MEIS3: variants seen among roughly 807,000 people sequenced by gnomAD.
MEIS3 encodes homeobox protein Meis3.
A neutral mutation model predicts 51.4 loss-of-function variants in MEIS3; 38 were observed. That is an observed-to-expected ratio of 0.74 (90% CI 0.57 to 0.97). The LOEUF (loss-of-function observed/expected upper bound fraction) is 0.97. MEIS3 is among the 50% of genes least tolerant of loss of function. The pLI is 0.00. For missense variants in MEIS3, 456 were observed against 502.6 expected (o/e 0.91, Z 0.89); for synonymous variants, 198 against 201.8 (o/e 0.98, Z 0.16).
intron 12 of MEIS3, chr19:47,406,181 T>C (rs540355762): frequency 9.1e-6 from 3 of 330,686 alleles, no homozygotes; most frequent in Non-Finnish European, 1.7e-5. Flanking sequence ...TTTGGATGGA[T>C]GGATTGCGGG....
chr19:47,413,412 A>AT (rs1352791620), intron 6 of MEIS3, among the ~76,000 whole-genome samples: 1 of 151,410 alleles, frequency 6.6e-6, no homozygotes, highest in Admixed American at 6.6e-5. Flanking sequence ...AAAAAAAAAA[A>AT]TGTCTCCGGG....
upstream of MEIS3, among the ~76,000 whole-genome samples, chr19:47,419,955 C>G (rs1599834738): frequency 6.6e-6 from 1 of 152,118 alleles, no homozygotes; most frequent in African/African-American, 2.4e-5. Flanking sequence ...CTCGATTCCC[C>G]CTCTGCAGGA....
intron 4 of MEIS3, 181 bp downstream of exon 4, chr19:47,416,471 C>G: frequency 1.8e-6 from 1 of 562,738 alleles, no homozygotes; most frequent in Non-Finnish European, 3.1e-6. Context: ...TGAACTCGGG[C>G]CATGGGTCCC....
rs776597328 is a variant in MEIS3, at chr19:47,415,091, G to T, written c.407C>A (p.Ala136Asp). The change falls in exon 5 of 13, where the codon GCC (alanine) becomes GAC (aspartate). Residue 136 changes from alanine (A) to aspartate (D), a missense_variant. Physicochemically the swap from Ala to Asp is moderately radical, Grantham distance 126. Transcript: ENST00000558555. ...CAGGTGGAACCGCAGCACCTGGATG[G>T]CCTGGATCATCTGAAAACGTGGGCG... Reference protein sequence around the residue: ...NPELDNLMIQAIQVLRFHLLE... With the variant: ...NPELDNLMIQDIQVLRFHLLE... The T allele has an allele frequency of 2.0e-6, 3 of 1,492,852 alleles. No individual in the cohort carries two copies. Among genetic ancestry groups the T allele is most frequent in the African/African-American group, 2.9e-5 (2 of 68,668 alleles). 92.5% of individuals were successfully genotyped at this position (1,492,852 alleles called of 1,614,324 possible).
At chr19:47,420,336 G>A (rs1197067930), upstream of MEIS3, among the ~76,000 whole-genome samples, 9 of 152,152 alleles carry the variant, frequency 5.9e-5, no homozygotes, top group South Asian at 2.1e-4. Context: ...TTTTTTGGGG[G>A]GTGGTGCATG....
chr19:47,421,688 G>A (rs372900551), upstream of MEIS3, among the ~76,000 whole-genome samples: 529 of 151,334 alleles, frequency 3.5e-3, 1 homozygote, highest in African/African-American at 0.012. Flanking sequence ...CTCCATCTCC[G>A]CCTGGGCTAT....
chr19:47,408,879 C>T (rs968407129), intron 8 of MEIS3, among the ~76,000 whole-genome samples: 11 of 152,016 alleles, frequency 7.2e-5, no homozygotes, highest in Non-Finnish European at 1.2e-4. Context: ...GGACAGTTTT[C>T]GGGGAGGACT....
intron 1 of MEIS3, chr19:47,417,915 C>A: frequency 2.1e-6 from 1 of 487,294 alleles, no homozygotes; most frequent in East Asian, 4.6e-5. Flanking sequence ...ACACCCAAAT[C>A]CCCCCCCCCA....
At chr19:47,413,680 C>A (rs1319087018) in intron 6 of MEIS3, among the ~76,000 whole-genome samples, 5 of 151,284 alleles carry the variant, frequency 3.3e-5, no homozygotes, top group African/African-American at 1.2e-4. Flanking sequence ...TGTAGTGAGG[C>A]TGCGTCTGAG....
Position 47,407,127 on chromosome 19 carries a change from C to T in MEIS3, c.946G>A (p.Ala316Thr). The change falls in exon 10 of 13, where the codon GCC (alanine) becomes ACC (threonine). Residue 316 changes from alanine (A) to threonine (T), a missense_variant. Coordinates refer to ENST00000558555, the MANE Select transcript of MEIS3 (RefSeq NM_001301059.2). ...ATAGGTTGCACGATGCGTCTCCGGG[C>T]GTTAATGAACCTGGGAGGCGGTCAT... The part of the protein sequence containing the change: ...ILQVNNWFIN[A>T]RRRIVQPMID... 1 of 1,609,434 alleles carries T rather than the reference C, an allele frequency of 6.2e-7. No homozygotes were observed. The highest frequency in any genetic ancestry group is 8.5e-7 in the Non-Finnish European group (1 of 1,178,396).
rs1187450653 is a variant in MEIS3, at chr19:47,403,131, T to G, written c.*440A>C. ...AGAACTCCAGTTGGTGGCTCCGTGT[T>G]TTTAAGACTTTATCATTAAAAAAAA... On this transcript the variant is annotated 3_prime_UTR_variant, in exon 13 of 13. Coordinates refer to ENST00000558555, the MANE Select transcript of MEIS3 (RefSeq NM_001301059.2). 2 of 242,646 alleles carry G rather than the reference T, an allele frequency of 8.2e-6. No homozygotes were observed. Among genetic ancestry groups the G allele is most frequent in the African/African-American group, 4.8e-5 (2 of 42,076 alleles). 15.0% of individuals were successfully genotyped at this position (242,646 alleles called of 1,614,324 possible).
chr19:47,420,949 CT>C (rs1279493352), upstream of MEIS3, among the ~76,000 whole-genome samples: 101 of 122,468 alleles, frequency 8.2e-4, no homozygotes, highest in Non-Finnish European at 1.4e-3. Flanking sequence ...CACTCTCTCT[CT>C]CTCTCTCTCT....
At chr19:47,410,097 G>C (rs1015171072) in intron 6 of MEIS3, among the ~76,000 whole-genome samples, 2 of 151,174 alleles carry the variant, frequency 1.3e-5, no homozygotes, top group Admixed American at 6.6e-5. Flanking sequence ...ACCTGAGGTC[G>C]GGCATTTGAG....
At position 47,409,503 on chromosome 19, in the gene MEIS3, A is replaced by G. The variant is rs766971268; in HGVS notation, c.642T>C (p.His214=). 3.7e-6 allele frequency: 6 copies of G among 1,614,098 alleles called. No homozygotes were observed. Among genetic ancestry groups the G allele is most frequent in the Non-Finnish European group, 5.1e-6 (6 of 1,179,958 alleles). Residue 214 remains histidine (H), a synonymous_variant, in exon 7 of 13, where the codon CAT becomes CAC. Coordinates refer to ENST00000558555, the MANE Select transcript of MEIS3 (RefSeq NM_001301059.2). ...CACTGGATGGACCTGGGGTCCCCAA[A>G]TGTACAGACCCACTATCCTCATGGT... The part of the protein sequence containing the change: ...IRDHEDSGSV[H]LGTPGPSSGG...
chr19:47,416,532 G>T, intron 4 of MEIS3, 120 bp downstream of exon 4: 4 of 802,500 alleles, frequency 5.0e-6, no homozygotes, highest in East Asian at 2.8e-5. Flanking sequence ...CAATCATGAC[G>T]GTTTGGGGAC....
chr19:47,418,878 G>A, intron 1 of MEIS3, 192 bp downstream of exon 1: 1 of 400,416 alleles, frequency 2.5e-6, no homozygotes, highest in Non-Finnish European at 4.4e-6. Context: ...CCGAGGGCCA[G>A]GAAGAGACAC....
chr19:47,420,769 G>A (rs1337411102), upstream of MEIS3, among the ~76,000 whole-genome samples: 2 of 151,496 alleles, frequency 1.3e-5, no homozygotes, highest in Non-Finnish European at 2.9e-5. Context: ...AATTGATTGG[G>A]GGAGGATGGA....
At position 47,403,126 on chromosome 19, in the gene MEIS3, C is replaced by T. The variant is rs1451376417; in HGVS notation, c.*445G>A. 6 of 231,690 alleles carry T rather than the reference C, an allele frequency of 2.6e-5. No individual in the cohort carries two copies. Among genetic ancestry groups the T allele is most frequent in the African/African-American group, 7.2e-5 (3 of 41,886 alleles). The allele number at this position is 231,690 out of a possible 1,614,324, so 14.4% of individuals were successfully genotyped here. A position where few individuals can be genotyped will look rare whatever the true frequency, so the allele number is the denominator to read the frequency against. ...ACACAAGAACTCCAGTTGGTGGCTCCGTGTTTTTAAGACTTTATCATTAAA... is the reference window on the plus strand; with the variant it reads ...ACACAAGAACTCCAGTTGGTGGCTCTGTGTTTTTAAGACTTTATCATTAAA... On this transcript the variant is annotated 3_prime_UTR_variant, in exon 13 of 13. Coordinates refer to ENST00000558555, the MANE Select transcript of MEIS3 (RefSeq NM_001301059.2).
At chr19:47,418,785 G>C in intron 1 of MEIS3, 1 of 346,254 alleles carries the variant, frequency 2.9e-6, no homozygotes, top group Non-Finnish European at 5.2e-6. Flanking sequence ...CAGAGAGGCA[G>C]AAAGGAGGAG....
Sources: gnomAD v4.1 joint callset for allele counts (sites outside exome capture counted in the v4.1 genomes callset) on GRCh38, gnomAD v4.1.1 for gene constraint, MANE v1.5 for transcripts, NCBI Gene and HGNC (gene_info 2026-07-23, HGNC 2026-07-21) for gene names.